The following TES variants were observed in gnomAD, a reference collection of about 807,000 sequenced individuals.
TES encodes testin.
Under a neutral mutation model 48.2 loss-of-function variants are expected in TES, and 41 were observed. That is an observed-to-expected ratio of 0.85 (90% CI 0.66 to 1.10). The LOEUF is 1.10. Ranked by LOEUF, TES falls within the 50% of genes least tolerant of loss-of-function variation. The pLI is 0.00. For missense variants in TES, 463 were observed against 515.1 expected (o/e 0.90, Z 0.98); for synonymous variants, 162 against 174.9 (o/e 0.93, Z 0.58).
chr7:116,251,576 G>A lies in TES; in HGVS notation c.703-184G>A, dbSNP rs557809508. ...CAGGCGCCTGTAGTCCCAGCTACTC[G>A]GGAGGCTGAGGCAGGAGAACGGCGT... On this transcript the variant is annotated intron_variant, in intron 4 of 6. Coordinates refer to ENST00000358204, the MANE Select transcript of TES (RefSeq NM_015641.4). 71 of 586,436 alleles carry A rather than the reference G, an allele frequency of 1.2e-4. No homozygotes were observed. In the African/African-American group the frequency reaches 1.3e-3, roughly 10 times the overall value. The allele number at this position is 586,436 out of a possible 1,614,324, so 36.3% of individuals were successfully genotyped here. A position where few individuals can be genotyped will look rare whatever the true frequency, so the allele number is the denominator to read the frequency against.
At chr7:116,213,089 C>T (rs1301045194) in intron 1 of TES, among the ~76,000 whole-genome samples, 1 of 152,134 alleles carries the variant, frequency 6.6e-6, no homozygotes, top group Non-Finnish European at 1.5e-5. Flanking sequence ...ATTTGGAAAT[C>T]TCAGGAATGT....
At chr7:116,223,519 G>A (rs1439219343) in intron 1 of TES, among the ~76,000 whole-genome samples, 1 of 152,120 alleles carries the variant, frequency 6.6e-6, no homozygotes, top group Non-Finnish European at 1.5e-5. Flanking sequence ...AATCTGGTTT[G>A]CAGCTGTCTT....
intron 4 of TES, 64 bp from the exon 5 acceptor site, chr7:116,251,695 AG>A (rs57374366): frequency 6.0e-6 from 6 of 992,896 alleles, no homozygotes; most frequent in African/African-American, 2.9e-5. Context: ...AAAAAAAAAA[AG>A]AAAGAAAGAA....
chr7:116,240,000 C>G (rs1332452399), intron 2 of TES, among the ~76,000 whole-genome samples: 1 of 152,124 alleles, frequency 6.6e-6, no homozygotes, highest in African/African-American at 2.4e-5. Flanking sequence ...AAAACAGTTG[C>G]ATTTTATTAA....
chr7:116,221,033 T>C (rs1475673499), intron 1 of TES, among the ~76,000 whole-genome samples: 11 of 152,146 alleles, frequency 7.2e-5, no homozygotes, highest in African/African-American at 1.4e-4. Context: ...GATGGCATGC[T>C]CTCAGTAAAT....
At chr7:116,215,054 A>C (rs1269827064) in intron 1 of TES, among the ~76,000 whole-genome samples, 1 of 152,186 alleles carries the variant, frequency 6.6e-6, no homozygotes, top group Non-Finnish European at 1.5e-5. Flanking sequence ...ATCCTGTTAC[A>C]CTTACGTGGT....
chr7:116,252,877 T>G (rs1267094806), intron 6 of TES: 2 of 187,976 alleles, frequency 1.1e-5, no homozygotes, highest in African/African-American at 4.7e-5. Context: ...GACCACCCAC[T>G]GGAATTTTGT....
chr7:116,233,478 G>A (rs777801624), intron 1 of TES, among the ~76,000 whole-genome samples: 1 of 152,168 alleles, frequency 6.6e-6, no homozygotes, highest in Non-Finnish European at 1.5e-5. Flanking sequence ...CACAGGCCTT[G>A]GAGTCAGAAA....
chr7:116,212,502 A>C (rs1479171963), intron 1 of TES, among the ~76,000 whole-genome samples: 2 of 152,154 alleles, frequency 1.3e-5, no homozygotes, highest in African/African-American at 2.4e-5. Context: ...ACAGGAAGGC[A>C]TGGGGGAGGT....
intron 6 of TES, among the ~76,000 whole-genome samples, chr7:116,253,679 T>C (rs1163328696): frequency 2.6e-5 from 4 of 152,162 alleles, no homozygotes; most frequent in Non-Finnish European, 5.9e-5. Flanking sequence ...TTACTCCTAA[T>C]AGTTTTTCTA....
chr7:116,224,123 C>T (rs927926030), intron 1 of TES, among the ~76,000 whole-genome samples: 2 of 152,196 alleles, frequency 1.3e-5, no homozygotes, highest in African/African-American at 4.8e-5. Context: ...CTGAGGTACC[C>T]ATGTGGGCAG....
intron 1 of TES, among the ~76,000 whole-genome samples, chr7:116,220,323 A>G (rs561685173): frequency 5.9e-5 from 9 of 152,266 alleles, no homozygotes; most frequent in African/African-American, 1.4e-4. Flanking sequence ...TTACTTTCTC[A>G]TGGACCAGAT....
chr7:116,241,012 G>A (rs746670050), intron 2 of TES, among the ~76,000 whole-genome samples: 3 of 152,114 alleles, frequency 2.0e-5, no homozygotes, highest in Non-Finnish European at 2.9e-5. Flanking sequence ...ATAAAACCAC[G>A]TTTTTAAAGT....
chr7:116,239,566 G>A (rs1232168225), intron 2 of TES, among the ~76,000 whole-genome samples: 1 of 152,202 alleles, frequency 6.6e-6, no homozygotes, highest in Non-Finnish European at 1.5e-5. Flanking sequence ...CTTTCTCCAT[G>A]GCAGAGTAGA....
chr7:116,244,561 C>A (rs1799895534), intron 2 of TES, among the ~76,000 whole-genome samples: 1 of 152,216 alleles, frequency 6.6e-6, no homozygotes, highest in Non-Finnish European at 1.5e-5. Context: ...AAGGTACAGT[C>A]CCACTCCCAG....
chr7:116,239,028 G>A (rs1418412381), intron 2 of TES: 1 of 152,192 alleles, frequency 6.6e-6, no homozygotes, highest in Non-Finnish European at 1.5e-5. Flanking sequence ...TAAGTGCGAG[G>A]GAAGAATCTG....
chr7:116,236,346 G>A (rs963342937), intron 2 of TES, among the ~76,000 whole-genome samples: 3 of 152,104 alleles, frequency 2.0e-5, no homozygotes, highest in African/African-American at 7.2e-5. Context: ...ATACCTGACC[G>A]TGTGACAGGT....
intron 1 of TES, among the ~76,000 whole-genome samples, chr7:116,225,592 G>C (rs1290015472): frequency 6.6e-6 from 1 of 152,156 alleles, no homozygotes; most frequent in African/African-American, 2.4e-5. Flanking sequence ...TGACCATTTG[G>C]CTTACAGTGG....
chr7:116,252,698 T>C, intron 6 of TES: 1 of 584,226 alleles, frequency 1.7e-6, no homozygotes, highest in Non-Finnish European at 3.0e-6. Context: ...ACAATATCAA[T>C]TATAGGTACT....
Sources: allele counts gnomAD v4.1 joint callset (sites outside exome capture counted in the v4.1 genomes callset), GRCh38; gene constraint gnomAD v4.1.1; transcripts MANE v1.5; gene names NCBI Gene and HGNC (gene_info 2026-07-23, HGNC 2026-07-21).